KAZN: variants seen among roughly 807,000 people sequenced by gnomAD.
KAZN encodes the protein kazrin, periplakin interacting protein, also known as kazrin.
KAZN carries 40 observed loss-of-function variants against 87.4 expected under a neutral mutation model. That is an observed-to-expected ratio of 0.46 (90% confidence interval 0.36 to 0.60). The LOEUF (loss-of-function observed/expected upper bound fraction) is 0.60. Among genes scored for constraint, KAZN ranks in the 20% least tolerant of loss-of-function variants. The probability of loss-of-function intolerance (pLI) is 0.00; values close to 1 mark genes in which losing one functional copy is unlikely to be tolerated. For synonymous variants in KAZN, 466 were observed against 458.3 expected (o/e 1.02, Z -0.22); for missense variants, 898 against 1,073.9 (o/e 0.84, Z 2.29).
At chr1:14,542,706 C>T (rs1672887787) in intron 2 of KAZN, among the ~76,000 whole-genome samples, 1 of 152,168 alleles carries the variant, frequency 6.6e-6, no homozygotes, top group African/African-American at 2.4e-5. Context: ...CTACTCTCTA[C>T]TAGTCCACAG....
intron 2 of KAZN, among the ~76,000 whole-genome samples, chr1:14,314,908 A>C (rs1400374353): frequency 6.6e-6 from 1 of 152,098 alleles, no homozygotes; most frequent in Non-Finnish European, 1.5e-5. Flanking sequence ...TGGGTGTTTT[A>C]TATAAGTGGA....
chr1:14,974,418 T>C (rs1053035757), intron 2 of KAZN, among the ~76,000 whole-genome samples: 2 of 152,168 alleles, frequency 1.3e-5, no homozygotes, highest in African/African-American at 4.8e-5. Context: ...AGGTACTATA[T>C]GGAAATGAAG....
chr1:14,529,129 C>T (rs1384952454), intron 2 of KAZN, among the ~76,000 whole-genome samples: 2 of 152,078 alleles, frequency 1.3e-5, no homozygotes, highest in Non-Finnish European at 2.9e-5. Flanking sequence ...CATGGTGAAA[C>T]CCCGTCTCCA....
chr1:14,927,081 G>T (rs565678590), intron 1 of KAZN, among the ~76,000 whole-genome samples: 1 of 152,148 alleles, frequency 6.6e-6, no homozygotes, highest in Non-Finnish European at 1.5e-5. Context: ...TGCACAATCC[G>T]CACCTGCTTC....
intron 1 of KAZN, among the ~76,000 whole-genome samples, chr1:14,749,726 A>G (rs967484781): frequency 1.3e-5 from 2 of 152,086 alleles, no homozygotes; most frequent in Non-Finnish European, 2.9e-5. Context: ...ATTCAGATTG[A>G]AAGCTAACAG....
intron 1 of KAZN, among the ~76,000 whole-genome samples, chr1:13,949,223 G>C (rs1386006973): frequency 6.6e-6 from 1 of 152,150 alleles, no homozygotes; most frequent in East Asian, 1.9e-4. Flanking sequence ...TTTATGTTCA[G>C]GGACCACACT....
At chr1:14,986,487 A>G (rs1666835543) in intron 2 of KAZN, among the ~76,000 whole-genome samples, 2 of 152,186 alleles carry the variant, frequency 1.3e-5, no homozygotes, top group African/African-American at 4.8e-5. Context: ...CAAATCCCAG[A>G]AAGTGCTGAC....
At chr1:14,591,010 C>T (rs1424150069) in intron 2 of KAZN, among the ~76,000 whole-genome samples, 2 of 152,162 alleles carry the variant, frequency 1.3e-5, no homozygotes, top group Non-Finnish European at 2.9e-5. Flanking sequence ...AGCTAACATC[C>T]TCCTGCTAGT....
At chr1:14,335,066 G>T (rs116452926) in intron 2 of KAZN, among the ~76,000 whole-genome samples, 1 of 151,122 alleles carries the variant, frequency 6.6e-6, no homozygotes, top group Non-Finnish European at 1.5e-5. Flanking sequence ...CCTAAGAAGT[G>T]TTTGGGCCAT....
intron 2 of KAZN, among the ~76,000 whole-genome samples, chr1:14,976,361 G>A (rs1467159155): frequency 6.6e-6 from 1 of 152,120 alleles, no homozygotes; most frequent in Non-Finnish European, 1.5e-5. Flanking sequence ...AGTCACTCTT[G>A]CCCCGGCCAC....
At position 13,922,753 on chromosome 1, in the gene KAZN, C is replaced by T. The variant is rs182773968; in HGVS notation, c.91+28997C>T. Among the ~76,000 whole-genome samples, 383 of 152,316 alleles carry T rather than the reference C, an allele frequency of 2.5e-3. 3 individuals are homozygous for T. The highest frequency in any genetic ancestry group is 9.4e-4 in the Non-Finnish European group (64 of 68,024). ...GGCAGCTGGCATGAGGACAACGTGT[C>T]CAGCTTTAGAGTCAGTGGTGGGGTC... On this transcript the variant is annotated intron_variant, in intron 1 of 16. Coordinates refer to the KAZN transcript ENST00000636203.
At chr1:14,990,712 A>G (rs572769154) in intron 2 of KAZN, among the ~76,000 whole-genome samples, 1 of 151,316 alleles carries the variant, frequency 6.6e-6, no homozygotes, top group Non-Finnish European at 1.5e-5. Flanking sequence ...GGAGCACGCC[A>G]GGTCTTGGGG....
chr1:14,917,274 G>A (rs887386356), intron 1 of KAZN, among the ~76,000 whole-genome samples: 2 of 152,174 alleles, frequency 1.3e-5, no homozygotes, highest in Non-Finnish European at 2.9e-5. Context: ...AATCCTTCCC[G>A]ATGCACCTGG....
At chr1:13,938,834 A>G (rs1474259780) in intron 1 of KAZN, among the ~76,000 whole-genome samples, 1 of 152,234 alleles carries the variant, frequency 6.6e-6, no homozygotes, top group African/African-American at 2.4e-5. Context: ...CACCATGTGG[A>G]AGTTGCCAAG....
chr1:14,840,578 G>A (rs565185909), intron 1 of KAZN, among the ~76,000 whole-genome samples: 37 of 152,336 alleles, frequency 2.4e-4, no homozygotes, highest in African/African-American at 8.4e-4. Context: ...CGCTTTGGGC[G>A]TGATCTTCTG....
At chr1:14,099,404 T>C (rs536088462) in intron 1 of KAZN, among the ~76,000 whole-genome samples, 32 of 152,298 alleles carry the variant, frequency 2.1e-4, no homozygotes, top group African/African-American at 7.5e-4. Context: ...CTTAGCCCTT[T>C]AGAAATGCAA....
At chr1:13,909,104 G>T (rs575401967) in intron 1 of KAZN, among the ~76,000 whole-genome samples, 28 of 152,266 alleles carry the variant, frequency 1.8e-4, no homozygotes, top group African/African-American at 6.7e-4. Flanking sequence ...ATTGGCAGGG[G>T]GCATTTAGGT....
chr1:14,581,206 T>C (rs964192040), intron 2 of KAZN, among the ~76,000 whole-genome samples: 2 of 152,146 alleles, frequency 1.3e-5, no homozygotes, highest in African/African-American at 4.8e-5. Flanking sequence ...CATCTCAAAA[T>C]CAGCATACAC....
intron 2 of KAZN, among the ~76,000 whole-genome samples, chr1:14,398,589 A>T (rs1663096522): frequency 6.6e-6 from 1 of 152,212 alleles, no homozygotes; most frequent in Non-Finnish European, 1.5e-5. Context: ...CCACTGCTCA[A>T]TGACAGGTTC....
Sources: allele counts gnomAD v4.1 joint callset (sites outside exome capture counted in the v4.1 genomes callset), GRCh38; gene constraint gnomAD v4.1.1; transcripts MANE v1.5; gene names NCBI Gene and HGNC (gene_info 2026-07-23, HGNC 2026-07-21).